The following PTPRK variants were observed in gnomAD, a reference collection of about 807,000 sequenced individuals.
PTPRK encodes protein tyrosine phosphatase receptor type K.
PTPRK carries 75 observed loss-of-function variants against 178.0 expected under a neutral mutation model. The observed-to-expected ratio is 0.42, with a 90% CI of 0.35 to 0.51. The LOEUF (loss-of-function observed/expected upper bound fraction) is 0.51. Ranked by LOEUF, PTPRK falls within the 20% of genes least tolerant of loss-of-function variation. PTPRK has a pLI of 0.02. For missense variants in PTPRK, 1,441 were observed against 1,797.8 expected, an observed-to-expected ratio of 0.80 and a Z score of 3.59; for synonymous variants, 637 against 620.6, an observed-to-expected ratio of 1.03 and a Z score of -0.39.
chr6:128,390,719 T>C (rs916653666), intron 2 of PTPRK, among the ~76,000 whole-genome samples: 2 of 152,136 alleles, frequency 1.3e-5, no homozygotes, highest in Non-Finnish European at 2.9e-5. Context: ...CTCTCTGCCA[T>C]GTTTTGTCTC....
intron 2 of PTPRK, among the ~76,000 whole-genome samples, chr6:128,385,597 G>A (rs1051592534): frequency 2.0e-5 from 3 of 152,140 alleles, no homozygotes; most frequent in Non-Finnish European, 4.4e-5. Flanking sequence ...CTTATACCCT[G>A]ATGGAGAATT....
intron 1 of PTPRK, among the ~76,000 whole-genome samples, chr6:128,417,002 A>T (rs1842931407): frequency 1.3e-5 from 2 of 148,828 alleles, no homozygotes; most frequent in East Asian, 3.9e-4. Flanking sequence ...ATAATTATAT[A>T]GGTAATATCA....
intron 7 of PTPRK, among the ~76,000 whole-genome samples, chr6:128,110,020 C>A (rs1188486442): frequency 6.6e-6 from 1 of 152,074 alleles, no homozygotes; most frequent in African/African-American, 2.4e-5. Context: ...ATCCTCCTGC[C>A]TCAGTCTCCT....
chr6:128,191,621 C>T (rs1052955331), intron 6 of PTPRK, among the ~76,000 whole-genome samples: 4 of 151,794 alleles, frequency 2.6e-5, no homozygotes, highest in Non-Finnish European at 5.9e-5. Flanking sequence ...TGGTAATTAG[C>T]TTGATAATTA....
chr6:128,101,889 G>A (rs1458777995), intron 7 of PTPRK, among the ~76,000 whole-genome samples: 1 of 152,154 alleles, frequency 6.6e-6, no homozygotes, highest in Non-Finnish European at 1.5e-5. Context: ...ACACTTCAAT[G>A]TAGAGTTGGA....
At chr6:128,054,337 C>T (rs976680179) in intron 13 of PTPRK, among the ~76,000 whole-genome samples, 12 of 152,184 alleles carry the variant, frequency 7.9e-5, no homozygotes, top group African/African-American at 1.4e-4. Flanking sequence ...TTAGCTTCTC[C>T]ACCATAAGCA....
At chr6:128,071,588 T>G (rs939927372) in intron 11 of PTPRK, among the ~76,000 whole-genome samples, 1 of 152,042 alleles carries the variant, frequency 6.6e-6, no homozygotes, top group East Asian at 1.9e-4. Flanking sequence ...CAAAATTCTC[T>G]AGTGGCATTT....
At chr6:128,026,698 T>A (rs2114780689) in intron 13 of PTPRK, among the ~76,000 whole-genome samples, 1 of 152,300 alleles carries the variant, frequency 6.6e-6, no homozygotes, top group Non-Finnish European at 1.5e-5. Flanking sequence ...CTTGAAAAAA[T>A]ATAAGAAGTA....
chr6:128,340,792 T>C, intron 2 of PTPRK: 1 of 486,550 alleles, frequency 2.1e-6, no homozygotes, highest in South Asian at 1.6e-5. Flanking sequence ...CTTTTAGGTT[T>C]GATTCTTTTG....
chr6:128,129,921 ATT>A (rs1793953396), intron 7 of PTPRK, among the ~76,000 whole-genome samples: 1 of 152,192 alleles, frequency 6.6e-6, no homozygotes, highest in Non-Finnish European at 1.5e-5. Flanking sequence ...GCAATGAAGC[ATT>A]TCTCTATATC....
At chr6:128,133,017 C>A (rs1794490252) in intron 7 of PTPRK, among the ~76,000 whole-genome samples, 1 of 152,154 alleles carries the variant, frequency 6.6e-6, no homozygotes, top group African/African-American at 2.4e-5. Flanking sequence ...TGATACATTT[C>A]TAACAAAAAC....
At chr6:128,515,695 CAT>C (rs1857894085) in intron 1 of PTPRK, among the ~76,000 whole-genome samples, 1 of 151,818 alleles carries the variant, frequency 6.6e-6, no homozygotes, top group Non-Finnish European at 1.5e-5. Flanking sequence ...CACACACACA[CAT>C]ACACGTGCAC....
chr6:128,318,135 A>T (rs80220625), intron 3 of PTPRK, among the ~76,000 whole-genome samples: 70 of 152,290 alleles, frequency 4.6e-4, no homozygotes, highest in African/African-American at 1.7e-3. Context: ...GAGTTCTGAG[A>T]GCTATGACAG....
At chr6:128,187,780 G>A (rs1026085269) in intron 6 of PTPRK, among the ~76,000 whole-genome samples, 2 of 152,066 alleles carry the variant, frequency 1.3e-5, no homozygotes, top group African/African-American at 2.4e-5. Context: ...GTTAAGAGAG[G>A]CTTAAAAGCA....
At chr6:128,308,399 G>A (rs926209312) in intron 3 of PTPRK, among the ~76,000 whole-genome samples, 4 of 151,660 alleles carry the variant, frequency 2.6e-5, no homozygotes, top group Non-Finnish European at 4.4e-5. Flanking sequence ...GATTAGTCAT[G>A]TATAAAATAT....
At chr6:128,157,762 C>T (rs1440059281) in intron 7 of PTPRK, among the ~76,000 whole-genome samples, 1 of 151,958 alleles carries the variant, frequency 6.6e-6, no homozygotes, top group Admixed American at 6.6e-5. Context: ...CTGTTCATAT[C>T]CTTCACCCAC....
intron 7 of PTPRK, among the ~76,000 whole-genome samples, chr6:128,149,910 T>C (rs1366097858): frequency 2.0e-5 from 3 of 152,160 alleles, no homozygotes; most frequent in African/African-American, 7.2e-5. Context: ...CAACTAATTG[T>C]AGATGTTCAC....
intron 27 of PTPRK, among the ~76,000 whole-genome samples, chr6:127,974,035 C>T (rs1174245938): frequency 6.6e-6 from 1 of 152,206 alleles, no homozygotes; most frequent in African/African-American, 2.4e-5. Flanking sequence ...CTGTTTCTCC[C>T]TCGCACTATG....
intron 5 of PTPRK, chr6:128,230,827 C>T (rs1293621514): frequency 1.3e-5 from 2 of 152,146 alleles, no homozygotes; most frequent in Admixed American, 6.5e-5. Flanking sequence ...CGATAAAAAG[C>T]AATCCTTGAA....
Sources: gnomAD v4.1 joint callset for allele counts (sites outside exome capture counted in the v4.1 genomes callset) on GRCh38, gnomAD v4.1.1 for gene constraint, MANE v1.5 for transcripts, NCBI Gene and HGNC (gene_info 2026-07-23, HGNC 2026-07-21) for gene names.